Variants in ZNF316 observed in about 807,000 individuals in gnomAD.
ZNF316 encodes the protein zinc finger protein 316.
A neutral mutation model predicts 75.6 loss-of-function variants in ZNF316; 23 were observed. That is an observed-to-expected ratio of 0.30 (90% CI 0.22 to 0.43). The LOEUF (loss-of-function observed/expected upper bound fraction) is 0.43, where lower values mean the gene tolerates loss of function less well. Ranked by LOEUF, ZNF316 falls within the 20% of genes least tolerant of loss-of-function variation. The pLI is 1.00. For synonymous variants in ZNF316, 827 were observed against 666.2 expected, an observed-to-expected ratio of 1.24 and a Z score of -3.72; for missense variants, 1,266 against 1,409.4, an observed-to-expected ratio of 0.90 and a Z score of 1.63.
At position 6,656,225 on chromosome 7, in the gene ZNF316, A is replaced by C. The variant is rs1237324401; in HGVS notation, c.*1614A>C. ...CCAGGGAGGCATTGGGGTGCTGGGTAATGACCTCGGCCCTGGGTTTCTCCT... is the reference window on the plus strand; with the variant it reads ...CCAGGGAGGCATTGGGGTGCTGGGTCATGACCTCGGCCCTGGGTTTCTCCT... On this transcript the variant is annotated 3_prime_UTR_variant, in exon 9 of 9. Transcript: ENST00000382252. 1 of 152,184 alleles carries C rather than the reference A, an allele frequency of 6.6e-6. No homozygotes were observed. Among genetic ancestry groups the C allele is most frequent in the East Asian group, 1.9e-4 (1 of 5,180 alleles). The allele number at this position is 152,184 out of a possible 1,614,324, so 9.4% of individuals were successfully genotyped here. A position where few individuals can be genotyped will look rare whatever the true frequency, so the allele number is the denominator to read the frequency against.
rs1466841391 is a variant in ZNF316, at chr7:6,656,945, C to CT, written c.*2337dup. Among the ~76,000 whole-genome samples the CT allele has an allele frequency of 6.6e-6, 1 of 152,088 alleles. No individual in the cohort carries two copies. The highest frequency in any genetic ancestry group is 1.5e-5 in the Non-Finnish European group (1 of 67,992). On this transcript the variant is annotated 3_prime_UTR_variant, in exon 9 of 9. Coordinates refer to ENST00000382252, the MANE Select transcript of ZNF316 (RefSeq NM_001278559.2). The stretch of plus-strand genomic sequence containing the variant: ...CACGATCAGATCTGACTCTCCTGTC[C>CT]TTTCTTTGTGGGTCTGAAAAATAAG...
In ZNF316 at chr7:6,653,399, C is replaced by A. The variant is rs1779551896; in HGVS notation, c.1803C>A (p.Pro601=). Residue 601 remains proline (P), a synonymous_variant, in exon 9 of 9, where the codon CCC becomes CCA. Coordinates refer to ENST00000382252, the MANE Select transcript of ZNF316 (RefSeq NM_001278559.2). ...CCCACCCGCTGGGCTTCCACTTCCC[C>A]GTGCACCCCAAGTCCTGGCTGCACC... The part of the protein sequence containing the change: ...PSSHPLGFHF[P]VHPKSWLHPD... 8.1e-7 allele frequency: 1 copy of A among 1,227,294 alleles called. No individual in the cohort carries two copies. Among genetic ancestry groups the A allele is most frequent in the Non-Finnish European group, 1.0e-6 (1 of 985,522 alleles). 76.0% of individuals were successfully genotyped at this position (1,227,294 alleles called of 1,614,324 possible).
chr7:6,652,151 G>A (rs1379239048), intron 8 of ZNF316, among the ~76,000 whole-genome samples, 152 bp from the exon 9 acceptor site: 4 of 152,282 alleles, frequency 2.6e-5, no homozygotes, highest in Admixed American at 6.5e-5. Context: ...ATGGGCAACC[G>A]CTCACTTGGT....
chr7:6,652,107 C>T (rs1486711903), intron 8 of ZNF316, among the ~76,000 whole-genome samples, 196 bp from the exon 9 acceptor site: 1 of 152,208 alleles, frequency 6.6e-6, no homozygotes, highest in African/African-American at 2.4e-5. Context: ...GGCGGCTTTC[C>T]TGCCTTGCGG....
intron 3 of ZNF316, among the ~76,000 whole-genome samples, chr7:6,641,042 C>T (rs1212653245): frequency 6.6e-6 from 1 of 152,164 alleles, no homozygotes; most frequent in African/African-American, 2.4e-5. Flanking sequence ...AACACAGCTG[C>T]GCTAATTGAT....
chr7:6,653,402 G>T lies in ZNF316; in HGVS notation c.1806G>T (p.Val602=), dbSNP rs1779552003. The part of the protein sequence containing the change: ...SSHPLGFHFP[V]HPKSWLHPDS... ...ACCCGCTGGGCTTCCACTTCCCCGTGCACCCCAAGTCCTGGCTGCACCCGG... is the reference window on the plus strand; with the variant it reads ...ACCCGCTGGGCTTCCACTTCCCCGTTCACCCCAAGTCCTGGCTGCACCCGG... Residue 602 remains valine, a synonymous_variant, in exon 9 of 9, where the codon GTG becomes GTT. Transcript: ENST00000382252. 2 of 1,227,380 alleles carry T rather than the reference G, an allele frequency of 1.6e-6. No homozygotes were observed. The highest frequency in any genetic ancestry group is 6.3e-5 in the East Asian group (2 of 31,524). The allele number at this position is 1,227,380 out of a possible 1,614,324, so 76.0% of individuals were successfully genotyped here. A position where few individuals can be genotyped will look rare whatever the true frequency, so the allele number is the denominator to read the frequency against.
intron 8 of ZNF316, among the ~76,000 whole-genome samples, chr7:6,649,548 T>C (rs544167900): frequency 6.6e-6 from 1 of 152,338 alleles, no homozygotes; most frequent in African/African-American, 2.4e-5. Context: ...GGAGCCCTGT[T>C]GGCTGAACAC....
chr7:6,652,278 T>C, intron 8 of ZNF316, 25 bp from the exon 9 acceptor site: 1 of 1,232,176 alleles, frequency 8.1e-7, no homozygotes, highest in Non-Finnish European at 1.0e-6. Flanking sequence ...ACCTCTCTCT[T>C]CTGGCCTGCC....
At position 6,653,269 on chromosome 7, in the gene ZNF316, A is replaced by C. The variant is rs1299628026; in HGVS notation, c.1673A>C (p.Glu558Ala). 1.1e-5 allele frequency: 13 copies of C among 1,227,296 alleles called. No individual in the cohort carries two copies. In the South Asian group the frequency reaches 1.2e-4, roughly 12 times the overall value. 76.0% of individuals were successfully genotyped at this position (1,227,296 alleles called of 1,614,324 possible). Residue 558 changes from glutamate to alanine, a missense_variant, in exon 9 of 9, where the codon GAG becomes GCG. Transcript: ENST00000382252. The stretch of plus-strand genomic sequence containing the variant: ...GAGGCCGCGGCCGAGGAGAGAGAGG[A>C]GGCGGCGGTGGCGGCGCCCACCCCC... ...EAEAAAEERE[E>A]AAVAAPTPSG...
In ZNF316 at chr7:6,653,594, C is replaced by T. The variant is rs1462125119; in HGVS notation, c.1998C>T (p.Arg666=). 7.5e-6 allele frequency: 8 copies of T among 1,065,980 alleles called. No individual in the cohort carries two copies. The highest frequency in any genetic ancestry group is 1.7e-5 in the African/African-American group (1 of 58,144). 66.0% of individuals were successfully genotyped at this position (1,065,980 alleles called of 1,614,324 possible). ...GGAAGGGGGL[R]AFGPAIGGLL... Reference sequence around the variant, plus strand: ...CCGCGGGCGGCGGAGGCGGCCTGCGCGCGTTCGGGCCCGCCATCGGGGGTC... The same window carrying T: ...CCGCGGGCGGCGGAGGCGGCCTGCGTGCGTTCGGGCCCGCCATCGGGGGTC... The change falls in exon 9 of 9, where the codon CGC becomes CGT. Residue 666 remains arginine (R), a synonymous_variant. Coordinates refer to ENST00000382252, the MANE Select transcript of ZNF316 (RefSeq NM_001278559.2).
intron 2 of ZNF316, among the ~76,000 whole-genome samples, chr7:6,638,458 C>T (rs1024765580): frequency 1.3e-5 from 2 of 152,198 alleles, no homozygotes; most frequent in African/African-American, 4.8e-5. Context: ...CCACATCTCC[C>T]GCTCTCTGAG....
chr7:6,649,385 C>G (rs1036545770), intron 8 of ZNF316, among the ~76,000 whole-genome samples: 1 of 152,192 alleles, frequency 6.6e-6, no homozygotes, highest in Non-Finnish European at 1.5e-5. Flanking sequence ...CCAGTGCCCT[C>G]CAGCTGTTGA....
chr7:6,643,011 G>C lies in ZNF316; in HGVS notation c.403G>C (p.Glu135Gln). The C allele has an allele frequency of 8.1e-7, 1 of 1,239,000 alleles. No individual in the cohort carries two copies. Among genetic ancestry groups the C allele is most frequent in the South Asian group, 4.1e-5 (1 of 24,638 alleles). 76.8% of individuals were successfully genotyped at this position (1,239,000 alleles called of 1,614,324 possible). A position where few individuals can be genotyped will look rare whatever the true frequency, so the allele number is the denominator to read the frequency against. The change falls in exon 6 of 9, where the codon GAG (glutamate) becomes CAG (glutamine). Residue 135 changes from glutamate (E) to glutamine (Q), a missense_variant. By Grantham distance (29) the Glu-to-Gln change is conservative. Around this residue, in one of 3 missense-constraint regions of ZNF316, gnomAD observed 961 missense variants for 990.9 expected, o/e 0.97. Transcript: ENST00000382252. ...APATPRDEDL[E>Q]EEEEEEEDED... ...AGCCACTCCTAGGGATGAGGACCTGGAGGAGGAGGAAGAGGAGGAGGAGGA... is the reference window on the plus strand; with the variant it reads ...AGCCACTCCTAGGGATGAGGACCTGCAGGAGGAGGAAGAGGAGGAGGAGGA...
chr7:6,654,587 C>T lies in ZNF316; in HGVS notation c.2991C>T (p.Gly997=). ...EHQAAFAGPS[G]AYREGVL is the part of the protein sequence containing the mutation. ...AGGCCGCGTTCGCCGGGCCCTCGGG[C>T]GCCTACCGGGAGGGCGTCCTGTGAG... Residue 997 remains glycine (G), a synonymous_variant, in exon 9 of 9, where the codon GGC becomes GGT. Coordinates refer to ENST00000382252, the MANE Select transcript of ZNF316 (RefSeq NM_001278559.2). 3 of 1,186,590 alleles carry T rather than the reference C, an allele frequency of 2.5e-6. No individual in the cohort carries two copies. Among genetic ancestry groups the T allele is most frequent in the Non-Finnish European group, 3.1e-6 (3 of 958,968 alleles). 73.5% of individuals were successfully genotyped at this position (1,186,590 alleles called of 1,614,324 possible). A position where few individuals can be genotyped will look rare whatever the true frequency, so the allele number is the denominator to read the frequency against.
rs1272796815 is a variant in ZNF316 at position 6,657,309 on chromosome 7, TTCA to T, written c.*2699_*2701del. Among the ~76,000 whole-genome samples, 1 of 82,136 alleles carries T rather than the reference TTCA, an allele frequency of 1.2e-5. No homozygotes were observed. The highest frequency in any genetic ancestry group is 2.0e-5 in the Non-Finnish European group (1 of 48,876). 53.9% of individuals were successfully genotyped at this position (82,136 alleles called of 152,430 possible). ...GCGCCCGGCCAGAGCAACCTAATAT[TTCA>T]AAAAAAAAAAAAAAAAAAAAAAAAA... On this transcript the variant is annotated 3_prime_UTR_variant, in exon 9 of 9. Coordinates refer to ENST00000382252, the MANE Select transcript of ZNF316 (RefSeq NM_001278559.2).
intron 8 of ZNF316, among the ~76,000 whole-genome samples, chr7:6,647,194 C>T (rs1012700911): frequency 2.6e-5 from 4 of 152,194 alleles, no homozygotes; most frequent in Non-Finnish European, 4.4e-5. Context: ...TGCAGACTGG[C>T]CCTTCTGAGG....
At position 6,649,826 on chromosome 7, in the gene ZNF316, G is replaced by T. The variant is rs545385247; in HGVS notation, c.707-2477G>T. Among the ~76,000 whole-genome samples, 3 of 152,274 alleles carry T rather than the reference G, an allele frequency of 2.0e-5. No homozygotes were observed. In the South Asian group the frequency reaches 6.2e-4, roughly 32 times the overall value. On this transcript the variant is annotated intron_variant, in intron 8 of 8. Transcript: ENST00000382252. Reference sequence around the variant, plus strand: ...CATGCCAGCTCCAGAGCTGGCGGGGGGTGCCCTCTCTACAGATCCCACTGG... The same window carrying T: ...CATGCCAGCTCCAGAGCTGGCGGGGTGTGCCCTCTCTACAGATCCCACTGG...
rs866091686 is a variant in ZNF316, at chr7:6,652,388, C to T, written c.792C>T (p.Asn264=). ...TGGCGGAGGTGGCCGAGGAGGAGAA[C>T]GAGCCCCCAGGGCTCTGGTCGGCGG... is the stretch of plus-strand genomic sequence containing the variant. ...DFLAEVAEEE[N]EPPGLWSAAY... Residue 264 remains asparagine (N), a synonymous_variant, in exon 9 of 9, where the codon AAC becomes AAT. Transcript: ENST00000382252. 3 of 1,232,374 alleles carry T rather than the reference C, an allele frequency of 2.4e-6. No individual in the cohort carries two copies. Among genetic ancestry groups the T allele is most frequent in the Admixed American group, 4.2e-5 (1 of 23,724 alleles). The allele number at this position is 1,232,374 out of a possible 1,614,324, so 76.3% of individuals were successfully genotyped here. A position where few individuals can be genotyped will look rare whatever the true frequency, so the allele number is the denominator to read the frequency against.
rs1456238156 is a variant in ZNF316 at position 6,656,883 on chromosome 7, G to C, written c.*2272G>C. Among the ~76,000 whole-genome samples the C allele has an allele frequency of 5.3e-5, 8 of 152,182 alleles. 1 individual carries two copies. In the East Asian group the frequency reaches 1.3e-3, roughly 26 times the overall value. The stretch of plus-strand genomic sequence containing the variant: ...GACCCAAAATGCCTCCCTTAAAGCT[G>C]ATTGGTTGATTTCTTTATTCTTATC... On this transcript the variant is annotated 3_prime_UTR_variant, in exon 9 of 9. Transcript: ENST00000382252.
Sources: gnomAD v4.1 joint callset for allele counts (sites outside exome capture counted in the v4.1 genomes callset) on GRCh38, gnomAD v4.1.1 for gene constraint, gnomAD v4.1.1 regional missense constraint, MANE v1.5 for transcripts, NCBI Gene and HGNC (gene_info 2026-07-23, HGNC 2026-07-21) for gene names.